Variants in SLC39A11 observed in about 807,000 individuals in gnomAD.
SLC39A11 encodes the protein solute carrier family 39 member 11.
A neutral mutation model predicts 36.1 loss-of-function variants in SLC39A11; 33 were observed. That is an observed-to-expected ratio of 0.91 (90% CI 0.69 to 1.22). The LOEUF (loss-of-function observed/expected upper bound fraction) is 1.22. Ranked by LOEUF, SLC39A11 falls within the 50% of genes most tolerant of loss-of-function variation. The pLI is 0.00. For synonymous variants in SLC39A11, 166 were observed against 170.3 expected (o/e 0.97, Z 0.20); for missense variants, 432 against 430.3 (o/e 1.00, Z -0.03).
chr17:72,963,169 CTTTT>C (rs5821936), intron 4 of SLC39A11, among the ~76,000 whole-genome samples: 1 of 114,552 alleles, frequency 8.7e-6, no homozygotes, highest in Admixed American at 1.1e-4. Flanking sequence ...TTTTTCCTTT[CTTTT>C]TTTTTTTTTT....
chr17:72,969,831 G>C (rs1345450277), intron 4 of SLC39A11, among the ~76,000 whole-genome samples: 2 of 152,146 alleles, frequency 1.3e-5, no homozygotes, highest in Non-Finnish European at 2.9e-5. Context: ...TTATGACACA[G>C]GCCACAGTGT....
intron 7 of SLC39A11, among the ~76,000 whole-genome samples, chr17:72,653,947 G>C (rs1437040618): frequency 1.3e-5 from 2 of 152,154 alleles, no homozygotes; most frequent in Non-Finnish European, 2.9e-5. Flanking sequence ...AGAAGGATTT[G>C]GAGAAATGAG....
intron 7 of SLC39A11, among the ~76,000 whole-genome samples, chr17:72,691,381 T>C (rs2072019275): frequency 6.6e-6 from 1 of 152,000 alleles, no homozygotes; most frequent in African/African-American, 2.4e-5. Context: ...CTCTGAGATC[T>C]ATTTCATGTA....
intron 4 of SLC39A11, among the ~76,000 whole-genome samples, chr17:72,961,459 T>C (rs1483807866): frequency 1.3e-5 from 2 of 152,124 alleles, no homozygotes; most frequent in Non-Finnish European, 2.9e-5. Flanking sequence ...TGCAGCACTG[T>C]TCACAATAGC....
intron 5 of SLC39A11, among the ~76,000 whole-genome samples, chr17:72,913,525 T>C (rs992676572): frequency 2.6e-5 from 4 of 152,128 alleles, no homozygotes; most frequent in East Asian, 1.9e-4. Context: ...AGAGATGACA[T>C]CATCTGTTGA....
At chr17:72,697,424 C>T (rs2072358185) in intron 7 of SLC39A11, among the ~76,000 whole-genome samples, 1 of 152,154 alleles carries the variant, frequency 6.6e-6, no homozygotes, top group African/African-American at 2.4e-5. Context: ...TGATTATCCC[C>T]AGATGAAGGT....
chr17:72,876,607 C>T (rs1392223927), intron 5 of SLC39A11, among the ~76,000 whole-genome samples: 3 of 152,156 alleles, frequency 2.0e-5, no homozygotes, highest in African/African-American at 7.2e-5. Flanking sequence ...CTGAAACTTA[C>T]CAATCACTGC....
At chr17:72,849,604 T>C (rs113128349) in intron 6 of SLC39A11, 30 bp downstream of exon 6, 1 of 1,461,948 alleles carries the variant, frequency 6.8e-7, no homozygotes, top group South Asian at 1.5e-5. Flanking sequence ...CTTCAGGCAG[T>C]GGCTGTCACG....
intron 4 of SLC39A11, among the ~76,000 whole-genome samples, chr17:72,955,831 A>G (rs2086220524): frequency 6.6e-6 from 1 of 152,164 alleles, no homozygotes. Flanking sequence ...CTGAGAAAAG[A>G]GAGGATTGGT....
intron 3 of SLC39A11, among the ~76,000 whole-genome samples, chr17:73,080,950 AC>A (rs2060487832): frequency 7.8e-6 from 1 of 128,528 alleles, no homozygotes. Context: ...ATGTCAAAAA[AC>A]AATAAAATAA....
chr17:73,060,830 T>C (rs555205220), intron 3 of SLC39A11, among the ~76,000 whole-genome samples: 1 of 152,300 alleles, frequency 6.6e-6, no homozygotes, highest in African/African-American at 2.4e-5. Flanking sequence ...GTTAAATGGT[T>C]GTATTCCACA....
intron 6 of SLC39A11, among the ~76,000 whole-genome samples, chr17:72,744,076 C>G (rs2074829514): frequency 6.6e-6 from 1 of 152,230 alleles, no homozygotes; most frequent in African/African-American, 2.4e-5. Flanking sequence ...CCTCCATGGC[C>G]TCCTCTGCGG....
At chr17:72,919,815 C>T (rs2083551331) in intron 5 of SLC39A11, among the ~76,000 whole-genome samples, 2 of 152,134 alleles carry the variant, frequency 1.3e-5, no homozygotes, top group Admixed American at 1.3e-4. Context: ...ATCTCTGATG[C>T]TCTGGTTAAC....
chr17:72,647,646 C>T lies in SLC39A11; in HGVS notation c.946G>A (p.Ala316Thr), dbSNP rs764582766. 2 of 1,613,864 alleles carry T rather than the reference C, an allele frequency of 1.2e-6. No homozygotes were observed. The highest frequency in any genetic ancestry group is 1.7e-6 in the Non-Finnish European group (2 of 1,179,862). ...EAQISGNGKL[A>T]SWASILGFVV... ...AATCCCAGGATGGAGGCCCAGGATGCCAGTTTCCCATTACCACTGGAAGAG... is the reference window on the plus strand; with the variant it reads ...AATCCCAGGATGGAGGCCCAGGATGTCAGTTTCCCATTACCACTGGAAGAG... The change falls in exon 10 of 10, where the codon GCA becomes ACA. Residue 316 changes from alanine (A) to threonine (T), a missense_variant. Ala to Thr is a moderately conservative substitution (Grantham distance 58, BLOSUM62 0). Transcript: ENST00000255559.
At chr17:72,935,494 C>T (rs1254419400) in intron 5 of SLC39A11, among the ~76,000 whole-genome samples, 4 of 152,108 alleles carry the variant, frequency 2.6e-5, no homozygotes, top group African/African-American at 9.7e-5. Context: ...CTTAAAAACT[C>T]GTGGAACTGT....
intron 3 of SLC39A11, among the ~76,000 whole-genome samples, chr17:73,084,470 T>C (rs1017707880): frequency 2.6e-5 from 3 of 116,412 alleles, no homozygotes; most frequent in African/African-American, 9.2e-5. Context: ...AAAAGGCCTA[T>C]AAAAAAGATC....
chr17:72,717,070 ATATAAG>A (rs973986499), intron 7 of SLC39A11, among the ~76,000 whole-genome samples: 7 of 147,722 alleles, frequency 4.7e-5, no homozygotes, highest in African/African-American at 7.4e-5. Context: ...ATATATACAC[ATATAAG>A]TATATGTATA....
chr17:72,743,697 G>A (rs1907640517), intron 6 of SLC39A11, among the ~76,000 whole-genome samples: 1 of 152,086 alleles, frequency 6.6e-6, no homozygotes, highest in Non-Finnish European at 1.5e-5. Flanking sequence ...ACACCAAAAC[G>A]AGAATTCAGG....
intron 7 of SLC39A11, among the ~76,000 whole-genome samples, chr17:72,688,157 C>A (rs916952589): frequency 3.3e-5 from 5 of 152,174 alleles, no homozygotes; most frequent in African/African-American, 1.2e-4. Flanking sequence ...CTATCCTGGG[C>A]CTGTACAGGC....
Sources: gnomAD v4.1 joint callset for allele counts (sites outside exome capture counted in the v4.1 genomes callset) on GRCh38, gnomAD v4.1.1 for gene constraint, MANE v1.5 for transcripts, NCBI Gene and HGNC (gene_info 2026-07-23, HGNC 2026-07-21) for gene names.